Variants in UBOX5 observed in about 807,000 individuals in gnomAD.
UBOX5 encodes U-box domain containing 5, also known as RING finger protein 37.
UBOX5 carries 28 observed loss-of-function variants against 39.0 expected under a neutral mutation model. The observed-to-expected ratio is 0.72, with a 90% CI of 0.53 to 0.98. The LOEUF (loss-of-function observed/expected upper bound fraction) is 0.98, where lower values mean the gene tolerates loss of function less well. UBOX5 is among the 50% of genes least tolerant of loss of function. The pLI is 0.00. For synonymous variants in UBOX5, 283 were observed against 275.5 expected (o/e 1.03, Z -0.27); for missense variants, 585 against 674.4 (o/e 0.87, Z 1.47).
At position 3,148,957 on chromosome 20, in the gene UBOX5, A is replaced by G. The variant is rs200051769; in HGVS notation, c.-42+10809T>C. ...TGTGTTCTGGAGGGTCCTGTCCCCC[A>G]TGCTGTGTGCTGCTCACATTCCAGT... is the stretch of plus-strand genomic sequence containing the variant. On this transcript the variant is annotated intron_variant, in intron 1 of 4. Transcript: ENST00000217173. The G allele has an allele frequency of 3.7e-6, 6 of 1,614,202 alleles. No individual in the cohort carries two copies. The East Asian group carries it at 1.3e-4, about 36-fold the overall frequency.
At chr20:3,125,695 G>A (rs112687816) in intron 1 of UBOX5, among the ~76,000 whole-genome samples, 3 of 146,994 alleles carry the variant, frequency 2.0e-5, no homozygotes, top group African/African-American at 7.7e-5. Context: ...CGCCCCGTCT[G>A]GGAAGTGAGG....
intron 1 of UBOX5, among the ~76,000 whole-genome samples, chr20:3,142,021 TC>T: frequency 6.7e-6 from 1 of 149,282 alleles, no homozygotes; most frequent in African/African-American, 2.5e-5. Context: ...TCTTTTCTTT[TC>T]TTTTCTTTTT....
At chr20:3,129,190 T>C (rs1207387218) in intron 1 of UBOX5, among the ~76,000 whole-genome samples, 2 of 152,148 alleles carry the variant, frequency 1.3e-5, no homozygotes, top group African/African-American at 2.4e-5. Context: ...AAAATATAAG[T>C]TGAGGGAACA....
intron 1 of UBOX5, among the ~76,000 whole-genome samples, chr20:3,143,371 G>A (rs924043007): frequency 6.6e-6 from 1 of 151,596 alleles, no homozygotes; most frequent in Admixed American, 6.6e-5. Flanking sequence ...CAGAGTGCTG[G>A]GATTACAGGT....
chr20:3,151,344 T>C (rs1348454907), intron 1 of UBOX5, among the ~76,000 whole-genome samples: 2 of 152,238 alleles, frequency 1.3e-5, no homozygotes, highest in South Asian at 2.1e-4. Flanking sequence ...CCATTCATTA[T>C]ATATTGTCTA....
At chr20:3,151,922 T>A (rs553440139) in intron 1 of UBOX5, 147 of 151,304 alleles carry the variant, frequency 9.7e-4, no homozygotes, top group African/African-American at 3.4e-3. Context: ...CTGGCCATCA[T>A]GGTGAAACCC....
At position 3,109,584 on chromosome 20, in the gene UBOX5, G is replaced by T. The variant is rs1046340365; in HGVS notation, c.*522C>A. On this transcript the variant is annotated 3_prime_UTR_variant, in exon 5 of 5. Coordinates refer to ENST00000217173, the MANE Select transcript of UBOX5 (RefSeq NM_014948.4). ...GCGACAGGAGTGTGTGACACAGACAGGCACTCCACCAGGAGGAAACCCACA... is the reference window on the plus strand; with the variant it reads ...GCGACAGGAGTGTGTGACACAGACATGCACTCCACCAGGAGGAAACCCACA... The T allele has an allele frequency of 2.3e-5, 4 of 174,480 alleles. No homozygotes were observed. The highest frequency in any genetic ancestry group is 9.5e-5 in the African/African-American group (4 of 42,320). 10.8% of individuals were successfully genotyped at this position (174,480 alleles called of 1,614,324 possible). A position where few individuals can be genotyped will look rare whatever the true frequency, so the allele number is the denominator to read the frequency against.
At position 3,109,701 on chromosome 20, in the gene UBOX5, T is replaced by C. The variant is rs2066237972; in HGVS notation, c.*405A>G. 1 of 233,442 alleles carries C rather than the reference T, an allele frequency of 4.3e-6. No individual in the cohort carries two copies. The highest frequency in any genetic ancestry group is 8.6e-6 in the Non-Finnish European group (1 of 115,796). 14.5% of individuals were successfully genotyped at this position (233,442 alleles called of 1,614,324 possible). On this transcript the variant is annotated 3_prime_UTR_variant, in exon 5 of 5. Coordinates refer to ENST00000217173, the MANE Select transcript of UBOX5 (RefSeq NM_014948.4). ...CCCCCACTGCTCCCAAGGTCCACTT[T>C]TGGATGACCCTGAAGGCAGAGACTC...
At chr20:3,114,702 C>T (rs142459314) in intron 4 of UBOX5, among the ~76,000 whole-genome samples, 5 of 152,292 alleles carry the variant, frequency 3.3e-5, no homozygotes, top group African/African-American at 9.6e-5. Context: ...GTAATCTCAG[C>T]GCTTTGCGAG....
At chr20:3,143,097 C>CTTTT (rs35450698) in intron 1 of UBOX5, among the ~76,000 whole-genome samples, 2 of 72,474 alleles carry the variant, frequency 2.8e-5, no homozygotes, top group Non-Finnish European at 4.9e-5. Flanking sequence ...AATCATCTGT[C>CTTTT]TTTTTTTTTT....
At chr20:3,147,007 G>A in intron 1 of UBOX5, 1 of 1,614,168 alleles carries the variant, frequency 6.2e-7, no homozygotes, top group Non-Finnish European at 8.5e-7. Flanking sequence ...TCTGCATGCA[G>A]GCTGCGGGGC....
chr20:3,150,052 C>G (rs998719832), intron 1 of UBOX5, among the ~76,000 whole-genome samples: 1 of 152,060 alleles, frequency 6.6e-6, no homozygotes, highest in South Asian at 2.1e-4. Context: ...TTAGTTATAC[C>G]TACGATAACC....
Position 3,121,759 on chromosome 20 carries a change from G to C in UBOX5, c.880C>G (p.Arg294Gly). ...IDQSTLEKCN[R>G]SEATWGRVPS... ...ACTCGGCCCCATGTGGCTTCACTGC[G>C]GTTACACTTCTCCAGTGTGCTCTGG... Residue 294 changes from arginine (R) to glycine (G), a missense_variant, in exon 3 of 5, where the codon CGC (arginine) becomes GGC (glycine). Physicochemically the swap from Arg to Gly is moderately radical, Grantham distance 125. Coordinates refer to ENST00000217173, the MANE Select transcript of UBOX5 (RefSeq NM_014948.4). 6.2e-7 allele frequency: 1 copy of C among 1,614,082 alleles called. No homozygotes were observed.
intron 1 of UBOX5, among the ~76,000 whole-genome samples, chr20:3,124,341 C>G (rs1191389463): frequency 1.3e-5 from 2 of 152,212 alleles, no homozygotes; most frequent in Admixed American, 6.5e-5. Flanking sequence ...CTGCCTCGGC[C>G]TGCCGAGTGC....
At chr20:3,113,446 G>A (rs2066270020) in intron 4 of UBOX5, among the ~76,000 whole-genome samples, 1 of 152,132 alleles carries the variant, frequency 6.6e-6, no homozygotes, top group South Asian at 2.1e-4. Context: ...GGTAGGATTT[G>A]AAGAAGTGGA....
intron 1 of UBOX5, among the ~76,000 whole-genome samples, chr20:3,137,625 T>G (rs2066483041): frequency 6.6e-6 from 1 of 152,240 alleles, no homozygotes; most frequent in African/African-American, 2.4e-5. Context: ...ATACTGGTAA[T>G]GATTCACCGA....
chr20:3,110,169 G>A lies in UBOX5; in HGVS notation c.1563C>T (p.Pro521=), dbSNP rs374494867. Residue 521 remains proline, a synonymous_variant, in exon 5 of 5, where the codon CCC becomes CCT. Transcript: ENST00000217173. ...GCCGCTGGCAGGCTGTGCACGTCAT[G>A]GGCAGGGAGCGTTGCTTCTCACCCA... The part of the protein sequence containing the change: ...PCLGEKQRSL[P]MTCTACQRPV... 6.2e-7 allele frequency: 1 copy of A among 1,613,460 alleles called. No individual in the cohort carries two copies. The highest frequency in any genetic ancestry group is 8.5e-7 in the Non-Finnish European group (1 of 1,180,036).
intron 1 of UBOX5, among the ~76,000 whole-genome samples, chr20:3,154,992 G>A (rs1019613291): frequency 1.4e-5 from 2 of 142,372 alleles, no homozygotes; most frequent in African/African-American, 5.4e-5. Context: ...GGCAGAGGTT[G>A]CAGTGAACCA....
chr20:3,123,835 TTA>T (rs2066356693), intron 1 of UBOX5, among the ~76,000 whole-genome samples: 1 of 152,226 alleles, frequency 6.6e-6, no homozygotes, highest in African/African-American at 2.4e-5. Context: ...GTCAATGCAA[TTA>T]TGTTTTCTTA....
Sources: gnomAD v4.1 joint callset for allele counts (sites outside exome capture counted in the v4.1 genomes callset) on GRCh38, gnomAD v4.1.1 for gene constraint, MANE v1.5 for transcripts, NCBI Gene and HGNC (gene_info 2026-07-23, HGNC 2026-07-21) for gene names.